Variants in ITGB6 observed in about 807,000 individuals in gnomAD.
ITGB6 encodes integrin beta-6.
ITGB6 carries 80 observed loss-of-function variants against 84.5 expected under a neutral mutation model. The ratio of observed to expected loss-of-function variants is 0.95; its 90% CI spans 0.79 to 1.14. The LOEUF (loss-of-function observed/expected upper bound fraction) is 1.14, where lower values mean the gene tolerates loss of function less well. ITGB6 is among the 50% of genes most tolerant of loss of function. The probability of loss-of-function intolerance (pLI) is 0.00; values close to 1 mark genes in which losing one functional copy is unlikely to be tolerated. For synonymous variants in ITGB6, 383 were observed against 354.9 expected (o/e 1.08, Z -0.89); for missense variants, 1,006 against 968.0 (o/e 1.04, Z -0.52).
chr2:160,137,725 G>A lies in ITGB6; in HGVS notation c.1369C>T (p.Gln457Ter), dbSNP rs200295975. Residue 457 changes from glutamine (Q) to a stop codon, truncating the protein, a stop_gained, in exon 10 of 15, where the codon CAG becomes TAG. Transcript: ENST00000283249. LOFTEE classifies it high-confidence loss of function. ...GAGCTGTTCACTTCCACTTCTTTCT[G>A]ACAGTCGCAGTTGCATTCTGGGCTG... ...LVSPECNCDC[Q>*]KEVEVNSSKC... 2.1e-5 allele frequency: 34 copies of A among 1,614,068 alleles called. No homozygotes were observed. Among genetic ancestry groups the A allele is most frequent in the Non-Finnish European group, 2.8e-5 (33 of 1,180,046 alleles).
chr2:160,104,587 G>C (rs2105769483), intron 14 of ITGB6, among the ~76,000 whole-genome samples: 1 of 152,294 alleles, frequency 6.6e-6, no homozygotes, highest in East Asian at 1.9e-4. Flanking sequence ...GGAAAACTCT[G>C]TCATGACCCA....
intron 12 of ITGB6, among the ~76,000 whole-genome samples, chr2:160,120,178 A>C (rs1423743198): frequency 6.6e-6 from 1 of 152,098 alleles, no homozygotes; most frequent in African/African-American, 2.4e-5. Flanking sequence ...TATATACCCA[A>C]AGGATTAGAA....
At chr2:160,162,495 T>C (rs1684858138) in intron 7 of ITGB6, among the ~76,000 whole-genome samples, 1 of 152,072 alleles carries the variant, frequency 6.6e-6, no homozygotes, top group South Asian at 2.1e-4. Context: ...TAGACCAGAG[T>C]TGGGCAGTTA....
intron 7 of ITGB6, among the ~76,000 whole-genome samples, chr2:160,142,397 T>A (rs1684032693): frequency 6.6e-6 from 1 of 152,216 alleles, no homozygotes; most frequent in African/African-American, 2.4e-5. Context: ...TCGTGAAGCA[T>A]CCTTTGTCCA....
rs2105897881 is a variant in ITGB6 at position 160,195,543 on chromosome 2, T to C, written c.419A>G (p.Asp140Gly). 2 of 1,613,996 alleles carry C rather than the reference T, an allele frequency of 1.2e-6. No homozygotes were observed. Among genetic ancestry groups the C allele is most frequent in the East Asian group, 4.5e-5 (2 of 44,870 alleles). Residue 140 changes from aspartate (D) to glycine (G), a missense_variant, in exon 4 of 15, where the codon GAC becomes GGC. Coordinates refer to ENST00000283249, the MANE Select transcript of ITGB6 (RefSeq NM_000888.5). ...DYPVDLYYLM[D>G]LSASMDDDLN... ...GTCGTCATCCATGGAGGCGGAGAGGTCCATGAGGTAATACAAATCCACCGG... is the reference window on the plus strand; with the variant it reads ...GTCGTCATCCATGGAGGCGGAGAGGCCCATGAGGTAATACAAATCCACCGG...
chr2:160,191,181 A>G (rs1451224142), intron 4 of ITGB6, among the ~76,000 whole-genome samples: 1 of 152,216 alleles, frequency 6.6e-6, no homozygotes, highest in Non-Finnish European at 1.5e-5. Flanking sequence ...AACAATAATC[A>G]TACCTTACTT....
Position 160,137,639 on chromosome 2 carries a change from G to A in ITGB6, c.1455C>T (p.His485=). 4 of 1,614,202 alleles carry A rather than the reference G, an allele frequency of 2.5e-6. No homozygotes were observed. The highest frequency in any genetic ancestry group is 3.4e-6 in the Non-Finnish European group (4 of 1,180,036). ...QCGVCACHPG[H]MGPRCECGED... Reference sequence around the variant, plus strand: ...CGCCACACTCACAGCGAGGCCCCATGTGGCCAGGGTGGCAGGCACACACCC... The same window carrying A: ...CGCCACACTCACAGCGAGGCCCCATATGGCCAGGGTGGCAGGCACACACCC... The change falls in exon 10 of 15, where the codon CAC becomes CAT. Residue 485 remains histidine (H), a synonymous_variant. Coordinates refer to ENST00000283249, the MANE Select transcript of ITGB6 (RefSeq NM_000888.5).
chr2:160,148,692 C>T (rs1228863825), intron 7 of ITGB6, among the ~76,000 whole-genome samples: 2 of 152,196 alleles, frequency 1.3e-5, no homozygotes, highest in South Asian at 2.1e-4. Flanking sequence ...TTTCCCTTTC[C>T]TAGCCAAGGG....
chr2:160,126,604 G>GT lies in ITGB6; in HGVS notation c.1661-4dup. 1 of 1,611,854 alleles carries GT rather than the reference G, an allele frequency of 6.2e-7. No individual in the cohort carries two copies. The highest frequency in any genetic ancestry group is 8.5e-7 in the Non-Finnish European group (1 of 1,179,156). ...ACCACAGTCACAGTCGCCGTTACCT[G>GT]TAACACAAAATGCTCTATGCTTCTC... On this transcript the variant is annotated splice_polypyrimidine_tract_variant and splice_region_variant and intron_variant, in intron 10 of 14. Transcript: ENST00000283249.
Position 160,100,391 on chromosome 2 carries a change from T to A in ITGB6, c.*1345A>T, listed in dbSNP as rs1216559550. On this transcript the variant is annotated 3_prime_UTR_variant, in exon 15 of 15. Coordinates refer to ENST00000283249, the MANE Select transcript of ITGB6 (RefSeq NM_000888.5). ...TCAGTCTCGAACATTTTCAAACAAA[T>A]GACAGTTATCACTTAACTAACACAA... 1 of 152,218 alleles carries A rather than the reference T, an allele frequency of 6.6e-6. No homozygotes were observed. The highest frequency in any genetic ancestry group is 1.5e-5 in the Non-Finnish European group (1 of 68,034). 9.4% of individuals were successfully genotyped at this position (152,218 alleles called of 1,614,324 possible). A position where few individuals can be genotyped will look rare whatever the true frequency, so the allele number is the denominator to read the frequency against.
At chr2:160,164,831 G>A (rs1432703694) in intron 7 of ITGB6, among the ~76,000 whole-genome samples, 2 of 152,084 alleles carry the variant, frequency 1.3e-5, no homozygotes, top group African/African-American at 4.8e-5. Context: ...GAGTTCTTTA[G>A]AAGAAAAGTA....
chr2:160,155,045 CCTT>C (rs1684572060), intron 7 of ITGB6, among the ~76,000 whole-genome samples: 2 of 152,322 alleles, frequency 1.3e-5, no homozygotes, highest in East Asian at 3.9e-4. Flanking sequence ...CTCTCTTCCT[CCTT>C]CTCCGCGCCT....
At chr2:160,137,413 A>G in intron 10 of ITGB6, 21 bp downstream of exon 10, 1 of 1,587,488 alleles carries the variant, frequency 6.3e-7, no homozygotes, top group African/African-American at 1.3e-5. Flanking sequence ...ACAGGGTAAG[A>G]TGGATTTCAA....
chr2:160,142,133 G>A lies in ITGB6; in HGVS notation c.1018-62C>T, dbSNP rs1684022975. On this transcript the variant is annotated intron_variant, in intron 7 of 14. Coordinates refer to ENST00000283249, the MANE Select transcript of ITGB6 (RefSeq NM_000888.5). The stretch of plus-strand genomic sequence containing the variant: ...CTCATGGTAATTGAGAAAAGTGTGG[G>A]TTTGAGCCTGCTGGCTATGATTGCC... 5.7e-6 allele frequency: 6 copies of A among 1,060,168 alleles called. No homozygotes were observed. In the South Asian group the frequency reaches 7.2e-5, roughly 13 times the overall value. The allele number at this position is 1,060,168 out of a possible 1,614,324, so 65.7% of individuals were successfully genotyped here. A position where few individuals can be genotyped will look rare whatever the true frequency, so the allele number is the denominator to read the frequency against.
chr2:160,135,795 C>A (rs1279654261), intron 10 of ITGB6, among the ~76,000 whole-genome samples: 2 of 152,038 alleles, frequency 1.3e-5, no homozygotes, highest in African/African-American at 2.4e-5. Flanking sequence ...GAAAAACAAG[C>A]AATGGGGAAA....
At chr2:160,176,391 C>T (rs548692952) in intron 4 of ITGB6, among the ~76,000 whole-genome samples, 1 of 152,330 alleles carries the variant, frequency 6.6e-6, no homozygotes, top group South Asian at 2.1e-4. Flanking sequence ...TGCATCAATA[C>T]ACCTAGTCTA....
intron 11 of ITGB6, 58 bp from the exon 12 acceptor site, chr2:160,123,946 T>C: frequency 8.0e-7 from 1 of 1,252,068 alleles, no homozygotes; most frequent in Non-Finnish European, 1.2e-6. Flanking sequence ...GATTTGCAGC[T>C]TGAATATTGC....
chr2:160,166,373 A>G (rs796948966), intron 7 of ITGB6, among the ~76,000 whole-genome samples: 13 of 152,334 alleles, frequency 8.5e-5, no homozygotes, highest in Admixed American at 3.3e-4. Context: ...CCAGATGTAG[A>G]TATTTTGAAT....
At chr2:160,114,516 G>A (rs1205886062) in intron 12 of ITGB6, among the ~76,000 whole-genome samples, 1 of 152,104 alleles carries the variant, frequency 6.6e-6, no homozygotes, top group Admixed American at 6.6e-5. Context: ...ATACAAAGCA[G>A]GGGGGTGGAG....
Sources: gnomAD v4.1 joint callset for allele counts (sites outside exome capture counted in the v4.1 genomes callset) on GRCh38, gnomAD v4.1.1 for gene constraint, MANE v1.5 for transcripts, NCBI Gene and HGNC (gene_info 2026-07-23, HGNC 2026-07-21) for gene names.